Variants in COP1 observed in about 807,000 individuals in gnomAD.
COP1 encodes COP1 E3 ubiquitin ligase.
In COP1, 24 loss-of-function variants were observed where a neutral mutation model predicts 101.3. The observed-to-expected ratio is 0.24, with a 90% confidence interval of 0.17 to 0.33. The LOEUF is 0.33. Ranked by LOEUF, COP1 falls within the 10% of genes least tolerant of loss-of-function variation. The pLI, the probability that COP1 is intolerant of heterozygous loss-of-function variation, is 1.00. For missense variants in COP1, 663 were observed against 906.2 expected, an observed-to-expected ratio of 0.73 and a Z score of 3.45; for synonymous variants, 347 against 341.9, an observed-to-expected ratio of 1.01 and a Z score of -0.17.
chr1:176,204,457 A>G (rs1228714519), intron 1 of COP1, among the ~76,000 whole-genome samples: 1 of 152,152 alleles, frequency 6.6e-6, no homozygotes, highest in East Asian at 1.9e-4. Context: ...GGGGGGAAAA[A>G]AAAAGAAAAA....
chr1:175,988,222 C>T, intron 17 of COP1, 66 bp downstream of exon 17: 2 of 1,459,470 alleles, frequency 1.4e-6, no homozygotes, highest in South Asian at 1.3e-5. Context: ...TATTCTATTT[C>T]CACTGAGTTC....
chr1:176,021,109 A>G (rs1666692277), intron 15 of COP1, among the ~76,000 whole-genome samples: 1 of 152,144 alleles, frequency 6.6e-6, no homozygotes. Flanking sequence ...AACCTCCCAA[A>G]GTGTTGGGAT....
intron 11 of COP1, among the ~76,000 whole-genome samples, chr1:176,051,451 G>A (rs772921366): frequency 2.6e-5 from 4 of 152,154 alleles, no homozygotes; most frequent in Non-Finnish European, 5.9e-5. Context: ...CATGCTGCCA[G>A]TTGTATAAAA....
At chr1:176,086,678 T>C (rs557025331) in intron 9 of COP1, among the ~76,000 whole-genome samples, 2 of 152,280 alleles carry the variant, frequency 1.3e-5, no homozygotes, top group East Asian at 3.9e-4. Flanking sequence ...AAAATGGCCA[T>C]ACTGCCCAAA....
chr1:175,996,557 A>G (rs1169554058), intron 15 of COP1, among the ~76,000 whole-genome samples: 2 of 152,054 alleles, frequency 1.3e-5, no homozygotes, highest in African/African-American at 4.8e-5. Context: ...AAGTCTCAGG[A>G]TACAAAATCA....
chr1:175,979,106 A>C (rs1407915884), intron 18 of COP1, among the ~76,000 whole-genome samples: 1 of 152,138 alleles, frequency 6.6e-6, no homozygotes, highest in Non-Finnish European at 1.5e-5. Flanking sequence ...AACATGATTC[A>C]TTTGTTCCCA....
At chr1:176,061,008 T>C (rs1023777518) in intron 11 of COP1, among the ~76,000 whole-genome samples, 1 of 152,206 alleles carries the variant, frequency 6.6e-6, no homozygotes, top group Non-Finnish European at 1.5e-5. Flanking sequence ...CCAGTATAAC[T>C]TTTGAAAAGA....
intron 12 of COP1, 21 bp from the exon 13 acceptor site, chr1:176,043,839 A>C (rs759656664): frequency 1.5e-6 from 2 of 1,327,438 alleles, no homozygotes; most frequent in African/African-American, 1.5e-5. Flanking sequence ...TACAGTTAAA[A>C]GTTACTTTAC....
intron 3 of COP1, among the ~76,000 whole-genome samples, chr1:176,169,547 T>C (rs1695718027): frequency 6.6e-6 from 1 of 152,214 alleles, no homozygotes; most frequent in African/African-American, 2.4e-5. Flanking sequence ...AAAAGTTCTG[T>C]TTACGCTATA....
At chr1:176,027,458 A>G in intron 15 of COP1, 114 bp downstream of exon 15, 2 of 712,440 alleles carry the variant, frequency 2.8e-6, no homozygotes, top group Non-Finnish European at 5.0e-6. Context: ...AGAGCCTAAT[A>G]ATAAAAACAA....
intron 3 of COP1, among the ~76,000 whole-genome samples, chr1:176,174,621 G>C (rs905177324): frequency 1.6e-4 from 24 of 152,088 alleles, no homozygotes; most frequent in African/African-American, 5.8e-4. Context: ...GGCACTTTTA[G>C]AGCAGATAAA....
chr1:176,067,284 C>G (rs1005073192), intron 11 of COP1, among the ~76,000 whole-genome samples: 9 of 152,114 alleles, frequency 5.9e-5, no homozygotes, highest in African/African-American at 2.2e-4. Flanking sequence ...ACTCCAACCC[C>G]AGGCCTGTGC....
At chr1:176,195,970 G>A (rs1268879370) in intron 1 of COP1, among the ~76,000 whole-genome samples, 2 of 152,104 alleles carry the variant, frequency 1.3e-5, no homozygotes, top group Non-Finnish European at 2.9e-5. Flanking sequence ...CTAGCATCAC[G>A]CAATATACCC....
At chr1:175,947,776 T>A (rs1649373901) in intron 18 of COP1, among the ~76,000 whole-genome samples, 2 of 152,208 alleles carry the variant, frequency 1.3e-5, no homozygotes, top group Non-Finnish European at 2.9e-5. Context: ...AGTAGGACAC[T>A]TTTGAATGTA....
chr1:176,056,565 A>C (rs1214972739), intron 11 of COP1, among the ~76,000 whole-genome samples: 1 of 152,148 alleles, frequency 6.6e-6, no homozygotes, highest in Non-Finnish European at 1.5e-5. Context: ...TTCTAGCCTG[A>C]ATTAAACCTT....
At chr1:176,150,694 T>C (rs1692282463) in intron 5 of COP1, among the ~76,000 whole-genome samples, 1 of 152,224 alleles carries the variant, frequency 6.6e-6, no homozygotes. Flanking sequence ...ATACAAACTA[T>C]CTTCAAAATT....
At chr1:176,120,474 G>C (rs1686935765) in intron 8 of COP1, among the ~76,000 whole-genome samples, 1 of 151,512 alleles carries the variant, frequency 6.6e-6, no homozygotes, top group Non-Finnish European at 1.5e-5. Context: ...AAAACGTCAA[G>C]GGAAAAAAAT....
chr1:175,947,052 C>A, intron 19 of COP1, 143 bp downstream of exon 19: 1 of 673,560 alleles, frequency 1.5e-6, no homozygotes, highest in Non-Finnish European at 2.7e-6. Context: ...ATTCTTTTCC[C>A]TTAAATCAAG....
At position 175,946,639 on chromosome 1, in the gene COP1, C is replaced by CT. The variant is rs535228360; in HGVS notation, c.2178+555dup. Among the ~76,000 whole-genome samples the CT allele has an allele frequency of 8.5e-5, 13 of 152,190 alleles. No individual in the cohort carries two copies. The East Asian group carries it at 2.5e-3, about 29-fold the overall frequency. Reference sequence around the variant, plus strand: ...TATATGCATCAATCAATTTTCTTTCCTTTTTTTATGGCTAGGCTTCCTTGA... The same window carrying CT: ...TATATGCATCAATCAATTTTCTTTCCTTTTTTTTATGGCTAGGCTTCCTTGA... On this transcript the variant is annotated intron_variant, in intron 19 of 19. Coordinates refer to ENST00000367669, the MANE Select transcript of COP1 (RefSeq NM_022457.7).
Sources: allele counts gnomAD v4.1 joint callset (sites outside exome capture counted in the v4.1 genomes callset), GRCh38; gene constraint gnomAD v4.1.1; transcripts MANE v1.5; gene names NCBI Gene and HGNC (gene_info 2026-07-23, HGNC 2026-07-21).